The following CSNK1G3 variants were observed in gnomAD, a reference collection of about 807,000 sequenced individuals.
The protein encoded by CSNK1G3 is casein kinase 1 gamma 3.
A neutral mutation model predicts 64.3 loss-of-function variants in CSNK1G3; 23 were observed. That is an observed-to-expected ratio of 0.36 (90% CI 0.26 to 0.51). CSNK1G3 has a LOEUF of 0.51. Among genes scored for constraint, CSNK1G3 ranks in the 20% least tolerant of loss-of-function variants. CSNK1G3 has a pLI of 0.96. For synonymous variants in CSNK1G3, 158 were observed against 162.2 expected (o/e 0.97, Z 0.20); for missense variants, 357 against 510.5 (o/e 0.70, Z 2.90).
chr5:123,604,928 C>A, intron 11 of CSNK1G3, 98 bp downstream of exon 12: 1 of 918,428 alleles, frequency 1.1e-6, no homozygotes, highest in Non-Finnish European at 1.7e-6. Context: ...AAATTTTTTT[C>A]AGGGAATAGG....
intron 2 of CSNK1G3, among the ~76,000 whole-genome samples, chr5:123,551,812 CATT>C (rs1783716600): frequency 6.6e-6 from 1 of 152,080 alleles, no homozygotes; most frequent in African/African-American, 2.4e-5. Context: ...AAAAAACTAT[CATT>C]GTTTTGTTTT....
At chr5:123,529,215 T>C (rs1779537555) in intron 1 of CSNK1G3, among the ~76,000 whole-genome samples, 1 of 152,166 alleles carries the variant, frequency 6.6e-6, no homozygotes, top group African/African-American at 2.4e-5. Flanking sequence ...AAATAAGGTG[T>C]CTTGAAAGAG....
chr5:123,595,097 C>G (rs1793177812), intron 10 of CSNK1G3: 1 of 1,613,634 alleles, frequency 6.2e-7, no homozygotes, highest in Non-Finnish European at 8.5e-7. Flanking sequence ...CATTTGAGAG[C>G]TCACCTTGCA....
chr5:123,590,210 A>T (rs1792090096), intron 8 of CSNK1G3, among the ~76,000 whole-genome samples, 200 bp from the exon 9 acceptor site: 1 of 151,620 alleles, frequency 6.6e-6, no homozygotes, highest in Non-Finnish European at 1.5e-5. Flanking sequence ...TAAACCTCCC[A>T]TTTTTCTTGT....
intron 1 of CSNK1G3, among the ~76,000 whole-genome samples, chr5:123,518,483 A>G (rs146208092): frequency 2.1e-4 from 32 of 152,314 alleles, no homozygotes; most frequent in African/African-American, 7.5e-4. Context: ...GAGTCATCCT[A>G]AGGCCAGCAG....
intron 1 of CSNK1G3, among the ~76,000 whole-genome samples, chr5:123,518,533 T>C (rs1306179038): frequency 6.6e-6 from 1 of 152,228 alleles, no homozygotes; most frequent in African/African-American, 2.4e-5. Context: ...GAGGATGGAA[T>C]GGATCTCTCT....
intron 4 of CSNK1G3, among the ~76,000 whole-genome samples, chr5:123,572,433 T>C (rs1788307248): frequency 6.6e-6 from 1 of 152,196 alleles, no homozygotes; most frequent in African/African-American, 2.4e-5. Context: ...TAATGAATTA[T>C]TACTATCTCT....
chr5:123,615,292 G>T (rs1279453589), exon 13 of CSNK1G3: 3 of 152,508 alleles, frequency 2.0e-5, no homozygotes, highest in Non-Finnish European at 4.4e-5. Context: ...TAAGGTGGAA[G>T]CCTAAAGAAA....
chr5:123,588,565 T>G, intron 8 of CSNK1G3, 54 bp downstream of exon 8: 1 of 1,070,050 alleles, frequency 9.3e-7, no homozygotes, highest in South Asian at 1.4e-5. Flanking sequence ...GAAATGCTAA[T>G]TTTTATTGCT....
intron 12 of CSNK1G3, among the ~76,000 whole-genome samples, chr5:123,610,195 T>C (rs1009470190): frequency 1.3e-5 from 2 of 152,186 alleles, no homozygotes; most frequent in Admixed American, 6.5e-5. Flanking sequence ...CTTGCTTAGC[T>C]AAATGGTTCC....
chr5:123,552,388 C>T (rs939295597), intron 2 of CSNK1G3, among the ~76,000 whole-genome samples: 29 of 152,204 alleles, frequency 1.9e-4, no homozygotes, highest in African/African-American at 6.8e-4. Context: ...TCATGATCCA[C>T]CTGCCTCAGC....
intron 9 of CSNK1G3, 22 bp downstream of exon 9, chr5:123,590,580 A>G (rs1792151221): frequency 2.2e-6 from 3 of 1,367,422 alleles, no homozygotes; most frequent in Admixed American, 5.5e-5. Context: ...ATATAATAAT[A>G]TATTACTTAC....
chr5:123,574,669 T>TA (rs962798333), intron 5 of CSNK1G3, among the ~76,000 whole-genome samples: 33 of 143,948 alleles, frequency 2.3e-4, no homozygotes, highest in Non-Finnish European at 2.8e-4. Flanking sequence ...AAAATAAAAA[T>TA]AAAAAAAAAA....
chr5:123,599,268 A>G (rs1250500840), intron 10 of CSNK1G3, among the ~76,000 whole-genome samples: 2 of 152,200 alleles, frequency 1.3e-5, no homozygotes, highest in Admixed American at 6.5e-5. Context: ...GATTGTTTGG[A>G]AATCTCTTAT....
At chr5:123,600,554 G>C (rs1012715431) in intron 10 of CSNK1G3, among the ~76,000 whole-genome samples, 1 of 151,740 alleles carries the variant, frequency 6.6e-6, no homozygotes, top group African/African-American at 2.4e-5. Context: ...GAACCCGGGA[G>C]GTGGAGGTTG....
At chr5:123,516,954 G>A (rs1334418282) in intron 1 of CSNK1G3, among the ~76,000 whole-genome samples, 1 of 152,184 alleles carries the variant, frequency 6.6e-6, no homozygotes, top group Non-Finnish European at 1.5e-5. Flanking sequence ...AGGGAAGAGA[G>A]TTACCCTGTT....
chr5:123,590,790 A>G (rs540465357), intron 9 of CSNK1G3, among the ~76,000 whole-genome samples: 1 of 152,142 alleles, frequency 6.6e-6, no homozygotes, highest in South Asian at 2.1e-4. Context: ...TTAACTTTTC[A>G]TCCTGATTTA....
chr5:123,575,594 T>G lies in CSNK1G3; in HGVS notation c.439-135T>G, dbSNP rs1285564947. On this transcript the variant is annotated intron_variant, in intron 5 of 12. Transcript: ENST00000345990. ...TGTGAAGAATGATAGGCTGACATCA[T>G]TTTACTTTTAAAGGGTTGAAACAAT... 3 of 617,860 alleles carry G rather than the reference T, an allele frequency of 4.9e-6. No homozygotes were observed. The Admixed American group carries it at 8.9e-5, about 18-fold the overall frequency. The allele number at this position is 617,860 out of a possible 1,614,324, so 38.3% of individuals were successfully genotyped here.
chr5:123,616,032 C>T (rs1162299946), exon 13 of CSNK1G3: 1 of 152,010 alleles, frequency 6.6e-6, no homozygotes, highest in Non-Finnish European at 1.5e-5. Context: ...CACATGAACA[C>T]CACAAATCAG....
Sources: gnomAD v4.1 joint callset for allele counts (sites outside exome capture counted in the v4.1 genomes callset) on GRCh38, gnomAD v4.1.1 for gene constraint, MANE v1.5 for transcripts, NCBI Gene and HGNC (gene_info 2026-07-23, HGNC 2026-07-21) for gene names.